Variants in CHRM2 observed in about 807,000 individuals in gnomAD.
The protein encoded by CHRM2 is muscarinic acetylcholine receptor M2.
CHRM2 carries 8 observed loss-of-function variants against 25.0 expected under a neutral mutation model. That is an observed-to-expected ratio of 0.32 (90% CI 0.19 to 0.58). CHRM2 has a LOEUF of 0.58. CHRM2 is among the 20% of genes least tolerant of loss of function. The probability of loss-of-function intolerance (pLI) is 0.88; values close to 1 mark genes in which losing one functional copy is unlikely to be tolerated. For synonymous variants in CHRM2, 202 were observed against 205.7 expected, an observed-to-expected ratio of 0.98 and a Z score of 0.15; for missense variants, 440 against 567.1, an observed-to-expected ratio of 0.78 and a Z score of 2.28.
intron 2 of CHRM2, among the ~76,000 whole-genome samples, chr7:136,985,611 T>A (rs1011701991): frequency 2.0e-5 from 3 of 151,878 alleles, no homozygotes; most frequent in Admixed American, 6.6e-5. Context: ...AAGACAGGAT[T>A]ACATTTCAAT....
chr7:136,938,284 C>T, intron 2 of CHRM2: 3 of 1,007,308 alleles, frequency 3.0e-6, no homozygotes, highest in South Asian at 1.3e-5. Flanking sequence ...CTTCAGCTGC[C>T]GCCTAAGGTT....
chr7:136,963,569 A>G (rs1801228019), intron 2 of CHRM2, among the ~76,000 whole-genome samples: 1 of 152,200 alleles, frequency 6.6e-6, no homozygotes. Context: ...ATATGCTGAA[A>G]TTAATGTTGG....
chr7:136,990,678 T>A (rs1289467784), intron 2 of CHRM2, among the ~76,000 whole-genome samples: 1 of 152,202 alleles, frequency 6.6e-6, no homozygotes, highest in East Asian at 1.9e-4. Context: ...GCTACAAATG[T>A]CTATGTGCAG....
At chr7:136,995,303 T>C (rs1349195587) in intron 3 of CHRM2, among the ~76,000 whole-genome samples, 1 of 152,062 alleles carries the variant, frequency 6.6e-6, no homozygotes, top group Non-Finnish European at 1.5e-5. Context: ...CAAATATACA[T>C]ACACAAACAC....
chr7:136,998,831 A>G (rs1803783441), intron 3 of CHRM2, among the ~76,000 whole-genome samples: 1 of 152,166 alleles, frequency 6.6e-6, no homozygotes, highest in Non-Finnish European at 1.5e-5. Flanking sequence ...ATTCTAAATA[A>G]GAACCCCTCT....
intron 2 of CHRM2, among the ~76,000 whole-genome samples, chr7:136,949,458 C>T (rs1284869951): frequency 6.5e-5 from 2 of 30,818 alleles, no homozygotes; most frequent in Non-Finnish European, 1.4e-4. Context: ...CTCTGCAAAA[C>T]TAAAAAAAAA....
At chr7:136,890,368 G>C (rs554133957) in intron 2 of CHRM2, among the ~76,000 whole-genome samples, 2 of 152,134 alleles carry the variant, frequency 1.3e-5, no homozygotes, top group Non-Finnish European at 2.9e-5. Context: ...TGTGTTGATC[G>C]TATATTCTGA....
chr7:136,995,842 CAT>C (rs1803562039), intron 3 of CHRM2, among the ~76,000 whole-genome samples: 1 of 151,614 alleles, frequency 6.6e-6, no homozygotes, highest in South Asian at 2.1e-4. Context: ...ATTCTAAAGT[CAT>C]ATAAATTAGC....
chr7:137,015,626 G>T lies in CHRM2; in HGVS notation c.761G>T (p.Gly254Val), dbSNP rs368473785. 107 of 1,612,826 alleles carry T rather than the reference G, an allele frequency of 6.6e-5. No homozygotes were observed. Among genetic ancestry groups the T allele is most frequent in the Non-Finnish European group, 8.9e-5 (105 of 1,179,532 alleles). The change falls in exon 4 of 4, where the codon GGC becomes GTC. Residue 254 changes from glycine (G) to valine (V), a missense_variant. By Grantham distance (109) the Gly-to-Val change is moderately radical. Transcript: ENST00000680005. This position sits in a 1 kb window ranked among gnomAD's most constrained non-coding sequence, Gnocchi z 5.1. ...AACAACATGCCCAGCAGTGACGATGGCCTGGAGCACAACAAAATCCAGAAT... is the reference window on the plus strand; with the variant it reads ...AACAACATGCCCAGCAGTGACGATGTCCTGGAGCACAACAAAATCCAGAAT... ...NNNNMPSSDDGLEHNKIQNGK... is the reference protein window; with the variant it reads ...NNNNMPSSDDVLEHNKIQNGK...
intron 2 of CHRM2, among the ~76,000 whole-genome samples, chr7:136,959,904 T>A (rs2130887666): frequency 6.6e-6 from 1 of 151,830 alleles, no homozygotes; most frequent in South Asian, 2.1e-4. Context: ...AGAGCAAAAC[T>A]CCGTCCAAAA....
At chr7:136,875,938 T>TAAC in intron 2 of CHRM2, among the ~76,000 whole-genome samples, 1 of 152,278 alleles carries the variant, frequency 6.6e-6, no homozygotes, top group South Asian at 2.1e-4. Flanking sequence ...ATTATAATAC[T>TAAC]AACAGGCAAT....
intron 2 of CHRM2, among the ~76,000 whole-genome samples, chr7:136,880,153 G>A (rs888164427): frequency 3.3e-5 from 5 of 150,876 alleles, no homozygotes; most frequent in Non-Finnish European, 5.9e-5. Flanking sequence ...GTTTAATTCC[G>A]TTATTTGAGT....
intron 2 of CHRM2, among the ~76,000 whole-genome samples, chr7:136,982,896 G>C (rs1325764300): frequency 6.6e-6 from 1 of 152,036 alleles, no homozygotes; most frequent in Non-Finnish European, 1.5e-5. Flanking sequence ...TTTCAACCTT[G>C]GTGAATCTGA....
chr7:136,925,661 G>A (rs1798705747), intron 2 of CHRM2, among the ~76,000 whole-genome samples: 2 of 152,068 alleles, frequency 1.3e-5, no homozygotes, highest in South Asian at 4.1e-4. Flanking sequence ...TGGGTAGTGG[G>A]AAACTAATCC....
chr7:136,947,978 T>C (rs1342796163), intron 2 of CHRM2, among the ~76,000 whole-genome samples: 1 of 152,052 alleles, frequency 6.6e-6, no homozygotes, highest in Admixed American at 6.6e-5. Flanking sequence ...ATTGAGGGAA[T>C]TTGGAGGGAG....
In CHRM2 at chr7:137,000,906, T is replaced by C. The variant is rs1018335999; in HGVS notation, c.-47+8642T>C. Among the ~76,000 whole-genome samples the C allele has an allele frequency of 2.6e-5, 4 of 152,194 alleles. No individual in the cohort carries two copies. In the South Asian group the frequency reaches 6.2e-4, roughly 24 times the overall value. ...ATATTGTTTGAGTTTTATAACTCCA[T>C]TGAGCCTTTAACCATTTAAGGGTTT... On this transcript the variant is annotated intron_variant, in intron 3 of 3. Transcript: ENST00000680005.
At chr7:136,917,640 T>G (rs763155387) in intron 2 of CHRM2, among the ~76,000 whole-genome samples, 5 of 152,086 alleles carry the variant, frequency 3.3e-5, no homozygotes, top group Non-Finnish European at 5.9e-5. Context: ...CCAGCGCTAA[T>G]GTACAATCTT....
chr7:136,917,880 T>C (rs913773694), intron 2 of CHRM2, among the ~76,000 whole-genome samples: 3 of 152,194 alleles, frequency 2.0e-5, no homozygotes, highest in Non-Finnish European at 4.4e-5. Flanking sequence ...AGATAGGATA[T>C]GAATATTTTG....
intron 3 of CHRM2, among the ~76,000 whole-genome samples, chr7:137,001,878 G>A (rs1372047164): frequency 6.6e-6 from 1 of 152,188 alleles, no homozygotes; most frequent in Non-Finnish European, 1.5e-5. Context: ...CTCAGCAGAA[G>A]AGTAACATGA....
Sources: allele counts gnomAD v4.1 joint callset (sites outside exome capture counted in the v4.1 genomes callset), GRCh38; gene constraint gnomAD v4.1.1; non-coding constraint Gnocchi (gnomAD v3.1); transcripts MANE v1.5; gene names NCBI Gene and HGNC (gene_info 2026-07-23, HGNC 2026-07-21).